The following GCA variants were observed in gnomAD, a reference collection of about 807,000 sequenced individuals.
GCA encodes grancalcin.
A neutral mutation model predicts 32.6 loss-of-function variants in GCA; 30 were observed. The ratio of observed to expected loss-of-function variants is 0.92; its 90% CI spans 0.69 to 1.25. GCA has a LOEUF of 1.25. GCA is among the 50% of genes most tolerant of loss of function. The pLI is 0.00. For synonymous variants in GCA, 102 were observed against 84.6 expected, an observed-to-expected ratio of 1.21 and a Z score of -1.13; for missense variants, 291 against 266.8, an observed-to-expected ratio of 1.09 and a Z score of -0.63.
At chr2:162,359,328 G>A (rs896696704) in intron 6 of GCA, 166 bp from the exon 7 acceptor site, 2 of 576,692 alleles carry the variant, frequency 3.5e-6, no homozygotes, top group Non-Finnish European at 5.9e-6. Context: ...TGATAAAAAC[G>A]TTATGTTATT....
intron 4 of GCA, chr2:162,371,218 C>G (rs1241586589): frequency 6.1e-6 from 3 of 494,792 alleles, no homozygotes; most frequent in South Asian, 5.0e-5. Flanking sequence ...CCTTTGTTCT[C>G]ATTACTGTTG....
At chr2:162,352,453 ATTTTC>A (rs1426774150) in intron 3 of GCA, 46 bp downstream of exon 3, 1 of 1,137,240 alleles carries the variant, frequency 8.8e-7, no homozygotes, top group Non-Finnish European at 1.3e-6. Flanking sequence ...TAGGAAGTTT[ATTTTC>A]TTACTTTTTT....
At chr2:162,371,165 T>G (rs1685928130) in intron 4 of GCA, 1 of 348,390 alleles carries the variant, frequency 2.9e-6, no homozygotes, top group Admixed American at 3.7e-5. Flanking sequence ...ATACTTTAGA[T>G]GGTTTGTAAA....
At chr2:162,337,618 T>C (rs1004770058) in intron 1 of GCA, among the ~76,000 whole-genome samples, 2 of 152,144 alleles carry the variant, frequency 1.3e-5, no homozygotes, top group Non-Finnish European at 2.9e-5. Flanking sequence ...TCTTGGGTGG[T>C]GCATTAATTG....
chr2:162,372,965 C>G (rs1418905387), downstream of GCA, among the ~76,000 whole-genome samples: 1 of 152,118 alleles, frequency 6.6e-6, no homozygotes, highest in East Asian at 1.9e-4. Context: ...GGGGTACAGA[C>G]AAGATTACTA....
rs201262435 is a variant in GCA at position 162,322,414 on chromosome 2, T to TTTA, written c.-31+3197_-31+3199dup. On this transcript the variant is annotated intron_variant, in intron 1 of 4. Transcript: ENST00000429691. ...ATTTATTTATTTATTTATTTATTTA[T>TTTA]TTATTATTATACTTTAAGTTTTAGG... Among the ~76,000 whole-genome samples, 1,037 of 128,684 alleles carry TTTA rather than the reference T, an allele frequency of 8.1e-3. 34 individuals carry two copies. In the East Asian group the frequency reaches 0.1, roughly 13 times the overall value. The allele number at this position is 128,684 out of a possible 152,430, so 84.4% of individuals were successfully genotyped here.
At chr2:162,342,008 G>GA (rs1684469417), upstream of GCA, among the ~76,000 whole-genome samples, 1 of 151,974 alleles carries the variant, frequency 6.6e-6, no homozygotes, top group Admixed American at 6.5e-5. Context: ...TTTATTAAAA[G>GA]AAAAATATTT....
chr2:162,347,575 T>A lies in GCA; in HGVS notation c.28-3T>A. The A allele has an allele frequency of 6.3e-7, 1 of 1,595,070 alleles. No individual in the cohort carries two copies. Among genetic ancestry groups the A allele is most frequent in the Non-Finnish European group, 8.6e-7 (1 of 1,166,656 alleles). On this transcript the variant is annotated splice_region_variant and splice_polypyrimidine_tract_variant and intron_variant, in intron 1 of 7. Coordinates refer to ENST00000437150, the MANE Select transcript of GCA (RefSeq NM_012198.5). Reference sequence around the variant, plus strand: ...CTAACCTTCTCCCCTTTCACTATTATAGTTTGGAAATTTTAGCATTCAGGT... The same window carrying A: ...CTAACCTTCTCCCCTTTCACTATTAAAGTTTGGAAATTTTAGCATTCAGGT...
Position 162,362,943 on chromosome 2 carries a change from G to T in GCA, c.*2700G>T, listed in dbSNP as rs1367561696. Among the ~76,000 whole-genome samples, 1 of 151,154 alleles carries T rather than the reference G, an allele frequency of 6.6e-6. No homozygotes were observed. The highest frequency in any genetic ancestry group is 2.4e-5 in the African/African-American group (1 of 41,272). On this transcript the variant is annotated 3_prime_UTR_variant, in exon 8 of 8. Coordinates refer to ENST00000437150, the MANE Select transcript of GCA (RefSeq NM_012198.5). ...TCAAGTTATGTTTATTTCCAAAAAAGGCATTTACCCTAGAAGAAAGTAGAA... is the reference window on the plus strand; with the variant it reads ...TCAAGTTATGTTTATTTCCAAAAAATGCATTTACCCTAGAAGAAAGTAGAA...
chr2:162,342,710 T>C (rs1159134855), upstream of GCA, among the ~76,000 whole-genome samples: 1 of 152,218 alleles, frequency 6.6e-6, no homozygotes, highest in African/African-American at 2.4e-5. Flanking sequence ...GAAAACAAGA[T>C]GCACAAAAAT....
downstream of GCA, among the ~76,000 whole-genome samples, chr2:162,366,533 C>T (rs543638749): frequency 2.3e-4 from 35 of 151,784 alleles, no homozygotes; most frequent in African/African-American, 7.5e-4. Flanking sequence ...GACATTTAAC[C>T]GAAGTGTGTT....
At chr2:162,322,241 G>A (rs903572253) in intron 1 of GCA, among the ~76,000 whole-genome samples, 3 of 151,182 alleles carry the variant, frequency 2.0e-5, no homozygotes, top group Admixed American at 1.3e-4. Flanking sequence ...TGAAAGTCAC[G>A]TATCAATAGA....
At chr2:162,358,257 AAT>A (rs1411691447) in intron 5 of GCA, among the ~76,000 whole-genome samples, 1 of 151,656 alleles carries the variant, frequency 6.6e-6, no homozygotes, top group East Asian at 1.9e-4. Flanking sequence ...CAGCAAGTAG[AAT>A]ATATTAATTT....
intron 1 of GCA, among the ~76,000 whole-genome samples, chr2:162,328,896 C>T (rs999711451): frequency 4.6e-5 from 7 of 152,264 alleles, no homozygotes; most frequent in African/African-American, 1.4e-4. Flanking sequence ...AGGTTTACCC[C>T]TGGAGTTGGG....
chr2:162,334,552 C>T (rs1247913838), intron 1 of GCA, among the ~76,000 whole-genome samples: 5 of 152,234 alleles, frequency 3.3e-5, no homozygotes, highest in African/African-American at 7.2e-5. Flanking sequence ...TTATAGGGAT[C>T]GTTTTCATGA....
intron 1 of GCA, among the ~76,000 whole-genome samples, chr2:162,346,219 A>G (rs1228995818): frequency 3.3e-5 from 5 of 151,792 alleles, no homozygotes; most frequent in African/African-American, 1.2e-4. Flanking sequence ...TTCAATAATA[A>G]AAAAACATTT....
chr2:162,325,683 C>T lies in GCA; in HGVS notation c.-31+6458C>T, dbSNP rs181895400. Among the ~76,000 whole-genome samples, 139 of 152,254 alleles carry T rather than the reference C, an allele frequency of 9.1e-4. 1 individual carries two copies. Among genetic ancestry groups the T allele is most frequent in the African/African-American group, 2.8e-3 (118 of 41,538 alleles). The stretch of plus-strand genomic sequence containing the variant: ...GGATAATGTTTGCCCCCTTCCCTGA[C>T]ACTATATGTGATACAAAACTCATCC... On this transcript the variant is annotated intron_variant, in intron 1 of 4. Transcript: ENST00000429691.
intron 1 of GCA, among the ~76,000 whole-genome samples, chr2:162,345,093 ATGGTGGTGGTGGTGGTGGTGGTGG>A (rs377413955): frequency 1.3e-4 from 14 of 109,394 alleles, no homozygotes; most frequent in African/African-American, 4.1e-4. Flanking sequence ...CTTGGAGTTC[ATGGTGGTGGTGGTGGTGGTGGTGG>A]TGGTGGTGGT....
chr2:162,338,759 A>T (rs544211366), intron 1 of GCA, among the ~76,000 whole-genome samples: 1 of 152,310 alleles, frequency 6.6e-6, no homozygotes, highest in East Asian at 1.9e-4. Context: ...TTTTAATCAT[A>T]CTGTTGCTGT....
Sources: gnomAD v4.1 joint callset for allele counts (sites outside exome capture counted in the v4.1 genomes callset) on GRCh38, gnomAD v4.1.1 for gene constraint, MANE v1.5 for transcripts, NCBI Gene and HGNC (gene_info 2026-07-23, HGNC 2026-07-21) for gene names.